The following SH2B2 variants were observed in gnomAD, a reference collection of about 807,000 sequenced individuals.
SH2B2 encodes the protein SH2B adapter protein 2.
In SH2B2, 37 loss-of-function variants were observed where a neutral mutation model predicts 35.7. The ratio of observed to expected loss-of-function variants is 1.04; its 90% CI spans 0.80 to 1.36. The LOEUF (loss-of-function observed/expected upper bound fraction) is 1.36. Ranked by LOEUF, SH2B2 falls within the 40% of genes most tolerant of loss-of-function variation. The probability of loss-of-function intolerance (pLI) is 0.00; values close to 1 mark genes in which losing one functional copy is unlikely to be tolerated. For synonymous variants in SH2B2, 383 were observed against 376.4 expected, an observed-to-expected ratio of 1.02 and a Z score of -0.20; for missense variants, 852 against 817.7, an observed-to-expected ratio of 1.04 and a Z score of -0.51.
Position 102,297,230 on chromosome 7 carries a change from G to A in SH2B2, c.-29-3292G>A, listed in dbSNP as rs750546041. Among the ~76,000 whole-genome samples the A allele has an allele frequency of 4.6e-5, 7 of 152,016 alleles. No individual in the cohort carries two copies. Among genetic ancestry groups the A allele is most frequent in the Non-Finnish European group, 1.0e-4 (7 of 67,998 alleles). The stretch of plus-strand genomic sequence containing the variant: ...TCCGCACTCTGGATACGACCCGCTC[G>A]CCACTTAGGAGTTGTCTGGGTTATT... On this transcript the variant is annotated intron_variant, in intron 1 of 8. Transcript: ENST00000444095. This position sits in a 1 kb window ranked among gnomAD's most constrained non-coding sequence, Gnocchi z 4.3.
chr7:102,289,082 G>A (rs1248824514), intron 1 of SH2B2, among the ~76,000 whole-genome samples: 1 of 152,200 alleles, frequency 6.6e-6, no homozygotes, highest in Non-Finnish European at 1.5e-5. Context: ...TCTGTCTAGG[G>A]GGATAGCAGG....
chr7:102,300,578 G>T lies in SH2B2; in HGVS notation c.28G>T (p.Ala10Ser). The change falls in exon 2 of 9, where the codon GCA becomes TCA. Residue 10 changes from alanine (A) to serine (S), a missense_variant. Transcript: ENST00000444095. Reference protein sequence around the residue: MNGAGPGPAAAAPVPVPVPV... With the variant: MNGAGPGPASAAPVPVPVPV... ...GAATGGTGCCGGCCCTGGCCCCGCC[G>T]CAGCCGCCCCGGTCCCAGTCCCGGT... 3 of 1,548,970 alleles carry T rather than the reference G, an allele frequency of 1.9e-6. No homozygotes were observed. The highest frequency in any genetic ancestry group is 2.6e-6 in the Non-Finnish European group (3 of 1,146,426).
upstream of SH2B2, chr7:102,285,261 T>C: frequency 6.5e-7 from 1 of 1,549,120 alleles, no homozygotes; most frequent in Non-Finnish European, 8.7e-7. Flanking sequence ...TGAACCAGGT[T>C]AGTCCACCGC....
In SH2B2 at chr7:102,301,074, G is replaced by A. The variant is rs1182061675; in HGVS notation, c.524G>A (p.Trp175Ter). The change falls in exon 2 of 9, where the codon TGG (tryptophan) becomes TAG (stop). Residue 175 changes from tryptophan to a stop codon, truncating the protein, a stop_gained. Transcript: ENST00000444095. LOFTEE classifies it high-confidence loss of function. ...APRTAEPRDK[W>*]TRRLRLSRTL... is the part of the protein sequence containing the mutation. ...CGCACCGCCGAGCCCCGCGACAAGTGGACGCGGCGCCTGAGGCTGTCGCGG... is the reference window on the plus strand; with the variant it reads ...CGCACCGCCGAGCCCCGCGACAAGTAGACGCGGCGCCTGAGGCTGTCGCGG... 2 of 1,393,822 alleles carry A rather than the reference G, an allele frequency of 1.4e-6. No homozygotes were observed. The highest frequency in any genetic ancestry group is 1.6e-5 in the South Asian group (1 of 63,120). The allele number at this position is 1,393,822 out of a possible 1,614,324, so 86.3% of individuals were successfully genotyped here. A position where few individuals can be genotyped will look rare whatever the true frequency, so the allele number is the denominator to read the frequency against.
chr7:102,303,793 C>T (rs1793288823), intron 2 of SH2B2, among the ~76,000 whole-genome samples: 1 of 152,192 alleles, frequency 6.6e-6, no homozygotes, highest in Non-Finnish European at 1.5e-5. Context: ...GCCTGAGTGA[C>T]AGTCACAGCT....
Position 102,298,000 on chromosome 7 carries a change from T to C in SH2B2, c.-29-2522T>C, listed in dbSNP as rs1206408868. Among the ~76,000 whole-genome samples, 1 of 151,996 alleles carries C rather than the reference T, an allele frequency of 6.6e-6. No individual in the cohort carries two copies. The highest frequency in any genetic ancestry group is 2.4e-5 in the African/African-American group (1 of 41,364). ...CAGAAACCTGAAGAAGGTGAGGGAA[T>C]GTGGAGGAAAGAGCATTCCAGGCAT... On this transcript the variant is annotated intron_variant, in intron 1 of 8. Transcript: ENST00000444095. The surrounding 1 kb of genome is among the most constrained non-coding windows in gnomAD (Gnocchi z 4.3).
chr7:102,298,323 A>C (rs1793003410), intron 1 of SH2B2, among the ~76,000 whole-genome samples: 1 of 152,138 alleles, frequency 6.6e-6, no homozygotes, highest in African/African-American at 2.4e-5. Context: ...GTGCATTGTC[A>C]CGATCATAGC....
rs539179376 is a variant in SH2B2 at position 102,294,689 on chromosome 7, G to A, written c.-29-5833G>A. Among the ~76,000 whole-genome samples the A allele has an allele frequency of 3.3e-5, 5 of 152,262 alleles. No individual in the cohort carries two copies. In the South Asian group the frequency reaches 6.2e-4, roughly 19 times the overall value. On this transcript the variant is annotated intron_variant, in intron 1 of 8. Coordinates refer to ENST00000444095, the MANE Select transcript of SH2B2 (RefSeq NM_001359228.2). ...GTGGGGACAGTGCACTCCTGCCCCT[G>A]CCACAGCCAGGCCCCCTTCCCTGTG... is the stretch of plus-strand genomic sequence containing the variant.
chr7:102,289,350 G>A (rs1474774401), intron 1 of SH2B2, among the ~76,000 whole-genome samples: 1 of 152,146 alleles, frequency 6.6e-6, no homozygotes, highest in Non-Finnish European at 1.5e-5. Flanking sequence ...GGCAAGGGTG[G>A]AGGTGGGAAG....
intron 2 of SH2B2, among the ~76,000 whole-genome samples, chr7:102,302,934 A>C (rs1554554209): frequency 2.0e-5 from 3 of 151,914 alleles, no homozygotes; most frequent in Non-Finnish European, 4.4e-5. Flanking sequence ...CCAAACCAAA[A>C]CAAAACAAAA....
rs1794064532 is a variant in SH2B2, at chr7:102,321,305, G to T, written c.1574G>T (p.Gly525Val). 1.4e-6 allele frequency: 2 copies of T among 1,402,934 alleles called. No individual in the cohort carries two copies. Among genetic ancestry groups the T allele is most frequent in the Middle Eastern group, 2.4e-4 (1 of 4,200 alleles). 86.9% of individuals were successfully genotyped at this position (1,402,934 alleles called of 1,614,324 possible). ...VRAQDPPPEP[G>V]PTPPAAPASP... ...TGCCGTCGCCTTGTTGCAGAGCCGG[G>T]CCCCACGCCCCCTGCCGCGCCCGCG... is the stretch of plus-strand genomic sequence containing the variant. The change falls in exon 9 of 9, where the codon GGC becomes GTC. Residue 525 changes from glycine (G) to valine (V), a missense_variant. This residue lies in a region of SH2B2 where 556 missense variants were observed against 514.5 expected (regional missense o/e 1.08). Transcript: ENST00000444095.
At position 102,300,941 on chromosome 7, in the gene SH2B2, G is replaced by A. The variant is rs782701976; in HGVS notation, c.391G>A (p.Val131Ile). The A allele has an allele frequency of 1.0e-5, 15 of 1,487,716 alleles. No individual in the cohort carries two copies. In the East Asian group the frequency reaches 3.2e-4, roughly 31 times the overall value. 92.2% of individuals were successfully genotyped at this position (1,487,716 alleles called of 1,614,324 possible). ...VSTHAATKAR[V>I]RKGFSLRNMS... ...CACGCACGCGGCCACCAAGGCCCGC[G>A]TTCGCAAGGGCTTCTCGCTGCGCAA... Residue 131 changes from valine to isoleucine, a missense_variant, in exon 2 of 9, where the codon GTT becomes ATT. Physicochemically the swap from Val to Ile is conservative, Grantham distance 29. This residue lies in a region of SH2B2 where 294 missense variants were observed against 286.6 expected (regional missense o/e 1.03). Coordinates refer to ENST00000444095, the MANE Select transcript of SH2B2 (RefSeq NM_001359228.2).
chr7:102,302,822 G>A (rs1554554178), intron 2 of SH2B2, among the ~76,000 whole-genome samples: 2 of 152,168 alleles, frequency 1.3e-5, no homozygotes, highest in South Asian at 2.1e-4. Context: ...GGAGGCTGAG[G>A]CAGGAGAATC....
chr7:102,305,227 G>A (rs1236077890), intron 2 of SH2B2, among the ~76,000 whole-genome samples: 7 of 151,918 alleles, frequency 4.6e-5, no homozygotes, highest in Non-Finnish European at 5.9e-5. Context: ...AAGCAACCAG[G>A]TTTTAAGACC....
intron 8 of SH2B2, 51 bp from the exon 9 acceptor site, chr7:102,321,248 G>T: frequency 7.7e-7 from 1 of 1,306,424 alleles, no homozygotes; most frequent in Non-Finnish European, 9.8e-7. Flanking sequence ...CTCCCTGCAG[G>T]ATGTGGCCAG....
At chr7:102,293,576 GC>G (rs1272420085) in intron 1 of SH2B2, among the ~76,000 whole-genome samples, 7 of 151,890 alleles carry the variant, frequency 4.6e-5, no homozygotes, top group African/African-American at 1.7e-4. Context: ...TGGTCTACCC[GC>G]CCAGTGCTCC....
chr7:102,311,340 C>T (rs1313581905), intron 4 of SH2B2, among the ~76,000 whole-genome samples: 1 of 151,792 alleles, frequency 6.6e-6, no homozygotes, highest in Admixed American at 6.6e-5. Flanking sequence ...CTGCAACCTC[C>T]ACCTCGCAGG....
rs556823004 is a variant in SH2B2 at position 102,300,919 on chromosome 7, G to T, written c.369G>T (p.Thr123=). The T allele has an allele frequency of 7.8e-5, 116 of 1,486,998 alleles. No homozygotes were observed. The African/African-American group carries it at 1.3e-3, about 17-fold the overall frequency. The allele number at this position is 1,486,998 out of a possible 1,614,324, so 92.1% of individuals were successfully genotyped here. Residue 123 remains threonine, a synonymous_variant, in exon 2 of 9, where the codon ACG becomes ACT. Transcript: ENST00000444095. The part of the protein sequence containing the change: ...GHSRSSEDVS[T]HAATKARVRK... Reference sequence around the variant, plus strand: ...CGCGGAGCTCGGAGGACGTGTCCACGCACGCGGCCACCAAGGCCCGCGTTC... The same window carrying T: ...CGCGGAGCTCGGAGGACGTGTCCACTCACGCGGCCACCAAGGCCCGCGTTC...
intron 7 of SH2B2, among the ~76,000 whole-genome samples, chr7:102,319,156 T>C (rs1322106984): frequency 6.6e-6 from 1 of 152,176 alleles, no homozygotes; most frequent in African/African-American, 2.4e-5. Context: ...GGCAACTCTT[T>C]CCACCTTCAC....
Sources: allele counts gnomAD v4.1 joint callset (sites outside exome capture counted in the v4.1 genomes callset), GRCh38; gene constraint gnomAD v4.1.1; regional missense constraint gnomAD v4.1.1; non-coding constraint Gnocchi (gnomAD v3.1); transcripts MANE v1.5; gene names NCBI Gene and HGNC (gene_info 2026-07-23, HGNC 2026-07-21).